Variants in DGKH observed in about 807,000 individuals in gnomAD.
DGKH encodes the protein diacylglycerol kinase eta.
In DGKH, 90 loss-of-function variants were observed where a neutral mutation model predicts 159.3. That is an observed-to-expected ratio of 0.57 (90% CI 0.48 to 0.67). The LOEUF (loss-of-function observed/expected upper bound fraction) is 0.67, where lower values mean the gene tolerates loss of function less well. Ranked by LOEUF, DGKH falls within the 30% of genes least tolerant of loss-of-function variation. DGKH has a pLI of 0.00. For synonymous variants in DGKH, 536 were observed against 553.8 expected, an observed-to-expected ratio of 0.97 and a Z score of 0.45; for missense variants, 1,181 against 1,506.1, an observed-to-expected ratio of 0.78 and a Z score of 3.57.
chr13:42,084,569 G>A (rs973910807), intron 1 of DGKH, among the ~76,000 whole-genome samples: 36 of 152,026 alleles, frequency 2.4e-4, no homozygotes, highest in African/African-American at 8.5e-4. Flanking sequence ...TTAGTTATAT[G>A]TATTACAATG....
chr13:42,049,049 T>G, intron 1 of DGKH, 84 bp downstream of exon 1: 4 of 969,806 alleles, frequency 4.1e-6, no homozygotes, highest in Admixed American at 7.8e-5. Flanking sequence ...CGCCGGGCGA[T>G]CCCGGGAAGG....
At position 42,132,719 on chromosome 13, in the gene DGKH, T is replaced by G. The variant is rs1191379629; in HGVS notation, c.384+3087T>G. Among the ~76,000 whole-genome samples, 4 of 152,148 alleles carry G rather than the reference T, an allele frequency of 2.6e-5. No individual in the cohort carries two copies. In the East Asian group the frequency reaches 5.8e-4, roughly 22 times the overall value. ...GAGTTTGAGACCAGCCTGGGGAACA[T>G]AGATTCCCATCTCTACAACAAATAC... On this transcript the variant is annotated intron_variant, in intron 3 of 29. Transcript: ENST00000337343.
intron 29 of DGKH, among the ~76,000 whole-genome samples, chr13:42,223,702 A>G (rs1050123560): frequency 6.6e-6 from 1 of 152,010 alleles, no homozygotes; most frequent in Non-Finnish European, 1.5e-5. Flanking sequence ...CAGAGGTTGC[A>G]GTGAGCCGAG....
At chr13:42,216,710 C>T (rs1957805346) in intron 26 of DGKH, 1 of 152,218 alleles carries the variant, frequency 6.6e-6, no homozygotes, top group Non-Finnish European at 1.5e-5. Flanking sequence ...AACACAGCTT[C>T]CTTGGGACAA....
At chr13:42,083,587 T>G (rs2137725753) in intron 1 of DGKH, among the ~76,000 whole-genome samples, 1 of 152,186 alleles carries the variant, frequency 6.6e-6, no homozygotes, top group South Asian at 2.1e-4. Context: ...TGCCCTGGGG[T>G]ATAGCGGAAG....
intron 16 of DGKH, among the ~76,000 whole-genome samples, chr13:42,192,597 C>CTCTTCCTCT (rs1555273258): frequency 8.1e-5 from 12 of 148,560 alleles, no homozygotes; most frequent in African/African-American, 2.2e-4. Context: ...TTTCCTCTTC[C>CTCTTCCTCT]TCTTCTTCTT....
chr13:42,076,312 A>G (rs1954097736), intron 1 of DGKH, among the ~76,000 whole-genome samples: 1 of 152,226 alleles, frequency 6.6e-6, no homozygotes, highest in Non-Finnish European at 1.5e-5. Context: ...AAGAATTATT[A>G]CACAGAGAGA....
chr13:42,186,860 C>T (rs569108218), intron 13 of DGKH, among the ~76,000 whole-genome samples, 189 bp from the exon 14 acceptor site: 2 of 152,288 alleles, frequency 1.3e-5, no homozygotes, highest in South Asian at 4.1e-4. Context: ...TTCATGTATG[C>T]ATTTATCACT....
At chr13:42,127,321 TGA>T in intron 1 of DGKH, 140 bp from the exon 2 acceptor site, 2 of 657,452 alleles carry the variant, frequency 3.0e-6, no homozygotes, top group South Asian at 3.8e-5. Context: ...AAAGCTGTGG[TGA>T]GAGTAAAATA....
At chr13:42,079,998 C>T (rs548300398) in intron 1 of DGKH, among the ~76,000 whole-genome samples, 1 of 152,230 alleles carries the variant, frequency 6.6e-6, no homozygotes, top group Admixed American at 6.5e-5. Flanking sequence ...TTTCTTTTGA[C>T]TTTTTTATTG....
chr13:42,151,613 A>ACCCC (rs140696226), intron 3 of DGKH, among the ~76,000 whole-genome samples: 124 of 111,974 alleles, frequency 1.1e-3, no homozygotes, highest in South Asian at 1.1e-3. Context: ...ACACACACAC[A>ACCCC]CCCCATGGAA....
intron 1 of DGKH, among the ~76,000 whole-genome samples, chr13:42,086,107 G>C (rs1431275984): frequency 6.6e-6 from 1 of 151,972 alleles, no homozygotes; most frequent in Non-Finnish European, 1.5e-5. Flanking sequence ...TAGTAAAGAT[G>C]GGGTTTCATC....
At chr13:42,151,322 C>T (rs1232005667) in intron 3 of DGKH, among the ~76,000 whole-genome samples, 3 of 151,718 alleles carry the variant, frequency 2.0e-5, no homozygotes, top group African/African-American at 7.3e-5. Flanking sequence ...CACACTATGT[C>T]CATGTGTACA....
At chr13:42,154,855 A>G (rs1956001898) in intron 3 of DGKH, among the ~76,000 whole-genome samples, 1 of 151,786 alleles carries the variant, frequency 6.6e-6, no homozygotes, top group Non-Finnish European at 1.5e-5. Context: ...CCTGGCCAAC[A>G]TGGTGAAACC....
intron 24 of DGKH, among the ~76,000 whole-genome samples, chr13:42,211,171 A>G (rs1957649060): frequency 6.6e-6 from 1 of 152,192 alleles, no homozygotes; most frequent in African/African-American, 2.4e-5. Context: ...TGAGTGTTAA[A>G]CAAATAAAAA....
chr13:42,075,357 T>C (rs1954074891), intron 1 of DGKH, among the ~76,000 whole-genome samples: 1 of 152,222 alleles, frequency 6.6e-6, no homozygotes, highest in African/African-American at 2.4e-5. Flanking sequence ...AAGAACTTTA[T>C]AATGAAAATA....
intron 29 of DGKH, 112 bp downstream of exon 29, chr13:42,221,506 T>A: frequency 2.2e-6 from 3 of 1,354,786 alleles, no homozygotes; most frequent in South Asian, 1.4e-5. Context: ...TGCAAATGTG[T>A]AGTAACCTAA....
At chr13:42,069,351 T>C (rs1263668712) in intron 1 of DGKH, 8 of 1,400,382 alleles carry the variant, frequency 5.7e-6, no homozygotes, top group Middle Eastern at 2.5e-4. Flanking sequence ...TTGAGCCAGA[T>C]TTGCCATTCC....
downstream of DGKH, among the ~76,000 whole-genome samples, chr13:42,246,878 A>G (rs1958584644): frequency 6.6e-6 from 1 of 152,166 alleles, no homozygotes; most frequent in East Asian, 1.9e-4. Flanking sequence ...ATTTTCCCCA[A>G]TATACATAAA....
Sources: allele counts gnomAD v4.1 joint callset (sites outside exome capture counted in the v4.1 genomes callset), GRCh38; gene constraint gnomAD v4.1.1; transcripts MANE v1.5; gene names NCBI Gene and HGNC (gene_info 2026-07-23, HGNC 2026-07-21).